Variants in RPH3AL observed in about 807,000 individuals in gnomAD.
RPH3AL encodes rabphilin 3A like (without C2 domains).
RPH3AL carries 38 observed loss-of-function variants against 43.1 expected under a neutral mutation model. That is an observed-to-expected ratio of 0.88 (90% confidence interval 0.68 to 1.15). RPH3AL has a LOEUF of 1.15. Ranked by LOEUF, RPH3AL falls within the 50% of genes most tolerant of loss-of-function variation. The probability of loss-of-function intolerance (pLI) is 0.00; values close to 1 mark genes in which losing one functional copy is unlikely to be tolerated. For missense variants in RPH3AL, 462 were observed against 423.2 expected, an observed-to-expected ratio of 1.09 and a Z score of -0.81; for synonymous variants, 189 against 176.3, an observed-to-expected ratio of 1.07 and a Z score of -0.57.
intron 5 of RPH3AL, among the ~76,000 whole-genome samples, chr17:282,354 T>C (rs9891894): frequency 0.043 from 6,610 of 152,260 alleles, 174 homozygotes; most frequent in Middle Eastern, 0.11. Flanking sequence ...AACGTGACAG[T>C]TACGTAAACT....
intron 7 of RPH3AL, among the ~76,000 whole-genome samples, chr17:240,925 C>T (rs938235265): frequency 3.3e-5 from 5 of 151,770 alleles, no homozygotes; most frequent in African/African-American, 7.3e-5. Flanking sequence ...CGGCGTGTAG[C>T]GGGCGCCTGT....
At chr17:281,139 C>G (rs2042768680) in intron 6 of RPH3AL, among the ~76,000 whole-genome samples, 1 of 152,152 alleles carries the variant, frequency 6.6e-6, no homozygotes, top group South Asian at 2.1e-4. Context: ...TGAGCCTCGA[C>G]TTCCTTCCCT....
At chr17:315,564 C>CT (rs2043992646) in intron 5 of RPH3AL, among the ~76,000 whole-genome samples, 98 of 4,808 alleles carry the variant, frequency 0.02, no homozygotes, top group East Asian at 0.028. Context: ...AGTCCCTGTG[C>CT]CCCACCTCCA....
chr17:322,336 G>A lies in RPH3AL; in HGVS notation c.78-921C>T, dbSNP rs1016294468. On this transcript the variant is annotated intron_variant, in intron 3 of 9. Transcript: ENST00000331302. The surrounding 1 kb of genome is among the most constrained non-coding windows in gnomAD (Gnocchi z 4.0). ...GGTGCCAGCTTCCCTGAGACATTCCGTGCCTGTGACATTGCTGTGTGCAGA... is the reference window on the plus strand; with the variant it reads ...GGTGCCAGCTTCCCTGAGACATTCCATGCCTGTGACATTGCTGTGTGCAGA... 10 of 152,262 alleles carry A rather than the reference G, an allele frequency of 6.6e-5. No homozygotes were observed. Among genetic ancestry groups the A allele is most frequent in the Admixed American group, 1.3e-4 (2 of 15,276 alleles). 9.4% of individuals were successfully genotyped at this position (152,262 alleles called of 1,614,324 possible).
chr17:308,363 G>C (rs1319784650), intron 5 of RPH3AL, among the ~76,000 whole-genome samples: 2 of 152,182 alleles, frequency 1.3e-5, no homozygotes, highest in Non-Finnish European at 2.9e-5. Flanking sequence ...GATGTGAAAT[G>C]GTGCAGCTGC....
intron 1 of RPH3AL, among the ~76,000 whole-genome samples, chr17:350,245 G>A (rs1162927788): frequency 6.6e-6 from 1 of 152,178 alleles, no homozygotes; most frequent in Admixed American, 6.5e-5. Flanking sequence ...CTAGCACTTT[G>A]GGAGGCTGAG....
At chr17:341,972 G>A (rs2045131678) in intron 1 of RPH3AL, among the ~76,000 whole-genome samples, 1 of 151,970 alleles carries the variant, frequency 6.6e-6, no homozygotes, top group Non-Finnish European at 1.5e-5. Flanking sequence ...TATCTCATAA[G>A]GGTCTAGTAT....
At chr17:304,577 T>C (rs1186553942) in intron 5 of RPH3AL, among the ~76,000 whole-genome samples, 1 of 152,042 alleles carries the variant, frequency 6.6e-6, no homozygotes, top group Non-Finnish European at 1.5e-5. Flanking sequence ...AGGCCCCTTC[T>C]CACTCTGAGC....
In RPH3AL at chr17:304,228, C is replaced by A. The variant is rs909038992; in HGVS notation, c.351+15192G>T. Among the ~76,000 whole-genome samples, 17 of 151,160 alleles carry A rather than the reference C, an allele frequency of 1.1e-4. 1 individual carries two copies. In the South Asian group the frequency reaches 3.4e-3, roughly 30 times the overall value. On this transcript the variant is annotated intron_variant, in intron 5 of 9. Transcript: ENST00000331302. ...TGAGCAGTGACCGTGTCTCAGGCAC[C>A]GTTTTAAGAGTTTATCACATACTTT...
At chr17:319,067 G>A (rs1292481897) in intron 5 of RPH3AL, among the ~76,000 whole-genome samples, 11 of 152,186 alleles carry the variant, frequency 7.2e-5, no homozygotes, top group Non-Finnish European at 1.5e-4. Flanking sequence ...ATGGTATCAC[G>A]ACCACATATT....
At position 230,996 on chromosome 17, in the gene RPH3AL, G is replaced by A. The variant is rs75010909; in HGVS notation, c.614-11260C>T. ...CCATGGCACCTGGCCTCTTGCTGAT[G>A]TTTCCAAACTCTCCCTCTGCCTCTG... On this transcript the variant is annotated intron_variant, in intron 7 of 9. Transcript: ENST00000331302. Among the ~76,000 whole-genome samples, 5 of 152,282 alleles carry A rather than the reference G, an allele frequency of 3.3e-5. No individual in the cohort carries two copies. The East Asian group carries it at 9.7e-4, about 29-fold the overall frequency.
rs113849605 is a variant in RPH3AL, at chr17:300,057, G to A, written c.352-18203C>T. Among the ~76,000 whole-genome samples the A allele has an allele frequency of 7.1e-4, 37 of 52,456 alleles. 1 individual carries two copies. Among genetic ancestry groups the A allele is most frequent in the African/African-American group, 1.3e-3 (17 of 13,324 alleles). 34.4% of individuals were successfully genotyped at this position (52,456 alleles called of 152,430 possible). ...TCTAGAAGGGGCTGGCCCAGCCTAG[G>A]CCTGCAGAATCTCTCACCCACTCTA... On this transcript the variant is annotated intron_variant, in intron 5 of 9. Transcript: ENST00000331302.
intron 1 of RPH3AL, among the ~76,000 whole-genome samples, chr17:342,444 G>C (rs2045143812): frequency 6.6e-6 from 1 of 152,124 alleles, no homozygotes; most frequent in African/African-American, 2.4e-5. Flanking sequence ...AGCCAAAGGG[G>C]GAAACAACTC....
intron 1 of RPH3AL, among the ~76,000 whole-genome samples, chr17:335,165 C>T (rs1003386965): frequency 1.3e-5 from 2 of 152,204 alleles, no homozygotes; most frequent in Admixed American, 6.5e-5. Flanking sequence ...CACAGCCACA[C>T]TGTGACCCCC....
At chr17:304,356 C>T (rs547796401) in intron 5 of RPH3AL, among the ~76,000 whole-genome samples, 11 of 151,942 alleles carry the variant, frequency 7.2e-5, no homozygotes, top group South Asian at 6.3e-4. Flanking sequence ...GAGCCCAGGC[C>T]GGGAGGACGC....
intron 7 of RPH3AL, among the ~76,000 whole-genome samples, chr17:227,392 G>C (rs1240140116): frequency 2.0e-5 from 3 of 149,940 alleles, no homozygotes. Context: ...ATGGGCGGCA[G>C]CTGTCCTGTG....
intron 1 of RPH3AL, among the ~76,000 whole-genome samples, chr17:337,089 A>ACT (rs575499612): frequency 1.8e-3 from 266 of 151,750 alleles, no homozygotes; most frequent in Non-Finnish European, 3.0e-3. Flanking sequence ...TTTGCCACTC[A>ACT]CTGGAACTAC....
At chr17:303,523 CCG>C (rs2043386699) in intron 5 of RPH3AL, among the ~76,000 whole-genome samples, 1 of 130,114 alleles carries the variant, frequency 7.7e-6, no homozygotes, top group Admixed American at 7.6e-5. Flanking sequence ...TGAGCAGTGA[CCG>C]TGTTTCAGGA....
intron 1 of RPH3AL, among the ~76,000 whole-genome samples, chr17:338,188 G>C (rs914594480): frequency 6.6e-6 from 1 of 152,194 alleles, no homozygotes; most frequent in Non-Finnish European, 1.5e-5. Context: ...CAGGCTGGGC[G>C]TGGTGGCTCA....
Sources: gnomAD v4.1 joint callset for allele counts (sites outside exome capture counted in the v4.1 genomes callset) on GRCh38, gnomAD v4.1.1 for gene constraint, Gnocchi (gnomAD v3.1) non-coding constraint, MANE v1.5 for transcripts, NCBI Gene and HGNC (gene_info 2026-07-23, HGNC 2026-07-21) for gene names.